The following NT5C1A variants were observed in gnomAD, a reference collection of about 807,000 sequenced individuals.
NT5C1A encodes the protein 5'-nucleotidase, cytosolic IA.
Under a neutral mutation model 31.0 loss-of-function variants are expected in NT5C1A, and 18 were observed. The ratio of observed to expected loss-of-function variants is 0.58; its 90% confidence interval spans 0.40 to 0.86. NT5C1A has a LOEUF of 0.86. Ranked by LOEUF, NT5C1A falls within the 40% of genes least tolerant of loss-of-function variation. NT5C1A has a pLI of 0.00. For synonymous variants in NT5C1A, 185 were observed against 203.6 expected, an observed-to-expected ratio of 0.91 and a Z score of 0.78; for missense variants, 470 against 505.4, an observed-to-expected ratio of 0.93 and a Z score of 0.67.
intron 5 of NT5C1A, 76 bp downstream of exon 5, chr1:39,661,003 G>A (rs1221800924): frequency 3.7e-6 from 3 of 818,602 alleles, no homozygotes; most frequent in Non-Finnish European, 4.0e-6. Flanking sequence ...TTGCTTCCAG[G>A]CTGGGAGTGC....
chr1:39,663,433 G>A lies in NT5C1A; in HGVS notation c.435C>T (p.Asp145=), dbSNP rs1557745638. The change falls in exon 4 of 6, where the codon GAC becomes GAT. Residue 145 remains aspartate, a splice_region_variant and synonymous_variant. Coordinates refer to ENST00000235628, the MANE Select transcript of NT5C1A (RefSeq NM_032526.3). ...VRLINSINHY[D]LFIERFCMTG... ...TCATGCAGAACCTCTCGATGAACAG[G>A]TCTGGGAAGGAGGTAAAGGACCCAG... 1 of 1,613,924 alleles carries A rather than the reference G, an allele frequency of 6.2e-7. No homozygotes were observed. Among genetic ancestry groups the A allele is most frequent in the Admixed American group, 1.7e-5 (1 of 60,006 alleles).
At position 39,665,667 on chromosome 1, in the gene NT5C1A, A is replaced by G. The variant is rs1557746630; in HGVS notation, c.304-17T>C. 2 of 1,611,358 alleles carry G rather than the reference A, an allele frequency of 1.2e-6. No homozygotes were observed. The highest frequency in any genetic ancestry group is 1.7e-5 in the Admixed American group (1 of 59,798). ...CTCCAGAGCCTGGAAAGGAGAGGGC[A>G]CCCCCCAGCTTAGACCCCCAAGGAT... On this transcript the variant is annotated splice_polypyrimidine_tract_variant and intron_variant, in intron 2 of 5. Coordinates refer to ENST00000235628, the MANE Select transcript of NT5C1A (RefSeq NM_032526.3).
At position 39,665,579 on chromosome 1, in the gene NT5C1A, G is replaced by A; in HGVS notation, c.375C>T (p.Leu125=). Residue 125 remains leucine, a synonymous_variant, in exon 3 of 6, where the codon CTC becomes CTT. Transcript: ENST00000235628. ...CCACTTGAGCATGGTTGTTAGTCAT[G>A]AGGACGATGTCGAAGACGTCCTCAC... ...PDSEDVFDIV[L]MTNNHAQVGV... 6.2e-7 allele frequency: 1 copy of A among 1,613,570 alleles called. No homozygotes were observed.
chr1:39,653,914 C>T lies in NT5C1A; in HGVS notation c.*5207G>A. On this transcript the variant is annotated 3_prime_UTR_variant, in exon 6 of 6. Transcript: ENST00000235628. ...CTTGCATGCCTCTTGGATAGCAAAA[C>T]CCAACACCAATAGGGATGGCAAAAT... Among the ~76,000 whole-genome samples the T allele has an allele frequency of 6.6e-6, 1 of 152,140 alleles. No individual in the cohort carries two copies.
chr1:39,667,604 G>T (rs1646530238), intron 1 of NT5C1A, among the ~76,000 whole-genome samples: 1 of 152,140 alleles, frequency 6.6e-6, no homozygotes, highest in South Asian at 2.1e-4. Flanking sequence ...TCTTCCTGGG[G>T]TCAGTCCTGG....
In NT5C1A at chr1:39,658,216, C is replaced by T. The variant is rs566786903; in HGVS notation, c.*905G>A. Among the ~76,000 whole-genome samples, 1 of 152,302 alleles carries T rather than the reference C, an allele frequency of 6.6e-6. No individual in the cohort carries two copies. Among genetic ancestry groups the T allele is most frequent in the Admixed American group, 6.5e-5 (1 of 15,300 alleles). On this transcript the variant is annotated 3_prime_UTR_variant, in exon 6 of 6. Transcript: ENST00000235628. ...TCTCCCGGGAAGAGCCTGCAGTGCC[C>T]CCTGCTGGCTGGAGGAGAGTTTGTA...
Position 39,653,523 on chromosome 1 carries a change from G to C in NT5C1A, c.*5598C>G, listed in dbSNP as rs1225438258. On this transcript the variant is annotated 3_prime_UTR_variant, in exon 6 of 6. Coordinates refer to ENST00000235628, the MANE Select transcript of NT5C1A (RefSeq NM_032526.3). ...ACACAATCACAGTAATTGCCGGCAA[G>C]AGCAATCGGCTCGTCACTCGGGCAT... Among the ~76,000 whole-genome samples, 1 of 152,188 alleles carries C rather than the reference G, an allele frequency of 6.6e-6. No homozygotes were observed. Among genetic ancestry groups the C allele is most frequent in the African/African-American group, 2.4e-5 (1 of 41,440 alleles).
In NT5C1A at chr1:39,658,998, T is replaced by C. The variant is rs1296201484; in HGVS notation, c.*123A>G. 5.3e-6 allele frequency: 7 copies of C among 1,327,770 alleles called. No individual in the cohort carries two copies. The highest frequency in any genetic ancestry group is 2.9e-5 in the African/African-American group (2 of 68,236). The allele number at this position is 1,327,770 out of a possible 1,614,324, so 82.2% of individuals were successfully genotyped here. On this transcript the variant is annotated 3_prime_UTR_variant, in exon 6 of 6. Transcript: ENST00000235628. ...TAATTTCCTACAAGTACATCACTCA[T>C]AGGGATGAGGGCAGACAGGCAGAAG... is the stretch of plus-strand genomic sequence containing the variant.
intron 1 of NT5C1A, 86 bp from the exon 2 acceptor site, chr1:39,666,322 G>A (rs1646522264): frequency 1.5e-6 from 2 of 1,363,194 alleles, no homozygotes; most frequent in Admixed American, 3.7e-5. Flanking sequence ...GGGTAGTGAG[G>A]ACATGGAGAA....
chr1:39,651,963 G>A lies in NT5C1A; in HGVS notation c.*7158C>T, dbSNP rs758011364. On this transcript the variant is annotated 3_prime_UTR_variant, in exon 6 of 6. Coordinates refer to ENST00000235628, the MANE Select transcript of NT5C1A (RefSeq NM_032526.3). Reference sequence around the variant, plus strand: ...GGAGAATTGCTTGACCCCAGGAGGCGGAGGTTGCAGTGAGCCAAGATTGTG... The same window carrying A: ...GGAGAATTGCTTGACCCCAGGAGGCAGAGGTTGCAGTGAGCCAAGATTGTG... Among the ~76,000 whole-genome samples, 20 of 144,140 alleles carry A rather than the reference G, an allele frequency of 1.4e-4. No individual in the cohort carries two copies. The highest frequency in any genetic ancestry group is 4.6e-4 in the African/African-American group (18 of 38,854). The allele number at this position is 144,140 out of a possible 152,430, so 94.6% of individuals were successfully genotyped here.
intron 1 of NT5C1A, 56 bp downstream of exon 1, chr1:39,671,848 C>A: frequency 6.2e-7 from 1 of 1,605,044 alleles, no homozygotes; most frequent in East Asian, 2.3e-5. Context: ...GACTTATGAC[C>A]CCTCCTCCGG....
chr1:39,666,361 G>A, intron 1 of NT5C1A, 125 bp from the exon 2 acceptor site: 2 of 900,162 alleles, frequency 2.2e-6, no homozygotes, highest in East Asian at 2.6e-5. Flanking sequence ...ACCTAAAGAG[G>A]CCCAGCCTTG....
intron 3 of NT5C1A, 52 bp downstream of exon 3, chr1:39,665,469 G>C (rs1028953132): frequency 6.5e-7 from 1 of 1,548,190 alleles, no homozygotes. Flanking sequence ...TCCCTGGGGG[G>C]TCTGGTAGGG....
At position 39,651,623 on chromosome 1, in the gene NT5C1A, C is replaced by G. The variant is rs1646432921; in HGVS notation, c.*7498G>C. The stretch of plus-strand genomic sequence containing the variant: ...GCAAAGGGCTTCTGACAGGTAGATA[C>G]AAGCACATTATGCACACAGGTTTCA... On this transcript the variant is annotated 3_prime_UTR_variant, in exon 6 of 6. Coordinates refer to ENST00000235628, the MANE Select transcript of NT5C1A (RefSeq NM_032526.3). 6.6e-6 allele frequency among the ~76,000 whole-genome samples: 1 copy of G among 152,238 alleles called. No individual in the cohort carries two copies. Among genetic ancestry groups the G allele is most frequent in the Non-Finnish European group, 1.5e-5 (1 of 68,054 alleles).
rs1310131218 is a variant in NT5C1A at position 39,659,187 on chromosome 1, C to T, written c.1041G>A (p.Val347=). ...AQEMGTVAAH[V]PYGVAQTPRR... is the part of the protein sequence containing the mutation. Reference sequence around the variant, plus strand: ...GGGGTGTCTGTGCCACACCATAAGGCACATGGGCGGCCACAGTGCCCATCT... The same window carrying T: ...GGGGTGTCTGTGCCACACCATAAGGTACATGGGCGGCCACAGTGCCCATCT... Residue 347 remains valine (V), a synonymous_variant, in exon 6 of 6, where the codon GTG becomes GTA. Transcript: ENST00000235628. 2.5e-6 allele frequency: 4 copies of T among 1,614,006 alleles called. No individual in the cohort carries two copies. In the Admixed American group the frequency reaches 6.7e-5, roughly 27 times the overall value.
At position 39,665,560 on chromosome 1, in the gene NT5C1A, G is replaced by A. The variant is rs777183886; in HGVS notation, c.394C>T (p.Gln132Ter). The A allele has an allele frequency of 6.2e-7, 1 of 1,613,562 alleles. No homozygotes were observed. The highest frequency in any genetic ancestry group is 1.1e-5 in the South Asian group (1 of 91,070). ...DIVLMTNNHA[Q>*]VGVRLINSIN... ...CTGTTGATGAGGCGGACACCCACTT[G>A]AGCATGGTTGTTAGTCATGAGGACG... The change falls in exon 3 of 6, where the codon CAA becomes TAA. Residue 132 changes from glutamine to a stop codon, truncating the protein, a stop_gained. Transcript: ENST00000235628. LOFTEE classifies it high-confidence loss of function.
In NT5C1A at chr1:39,669,694, G is replaced by T. The variant is rs190986025; in HGVS notation, c.135+2210C>A. The stretch of plus-strand genomic sequence containing the variant: ...GCTCTCCGGTTCCTTGGTGCCTGGG[G>T]AGGAAATGGATTTTGAGCACTGATG... On this transcript the variant is annotated intron_variant, in intron 1 of 5. Coordinates refer to ENST00000235628, the MANE Select transcript of NT5C1A (RefSeq NM_032526.3). 4.6e-5 allele frequency among the ~76,000 whole-genome samples: 7 copies of T among 152,338 alleles called. No homozygotes were observed. The East Asian group carries it at 1.3e-3, about 29-fold the overall frequency.
At chr1:39,665,496 C>T in intron 3 of NT5C1A, 25 bp downstream of exon 3, 3 of 1,597,166 alleles carry the variant, frequency 1.9e-6, no homozygotes, top group Non-Finnish European at 2.6e-6. Flanking sequence ...CAGGGCAAAC[C>T]CCCCATCCTC....
Position 39,659,139 on chromosome 1 carries a change from C to A in NT5C1A, c.1089G>T (p.Gln363His). 1.2e-6 allele frequency: 2 copies of A among 1,605,410 alleles called. No individual in the cohort carries two copies. Among genetic ancestry groups the A allele is most frequent in the East Asian group, 2.2e-5 (1 of 44,696 alleles). The change falls in exon 6 of 6, where the codon CAG (glutamine) becomes CAT (histidine). Residue 363 changes from glutamine to histidine, a missense_variant. By Grantham distance (24) the Gln-to-His change is conservative (BLOSUM62 0). Transcript: ENST00000235628. ...QTPRRTAPAK[Q>H]APSAQ ...GGTTCAGCTACTGTGCAGATGGGGC[C>A]TGCTTTGCAGGTGCAGTCCGCCGGG...
Sources: allele counts gnomAD v4.1 joint callset (sites outside exome capture counted in the v4.1 genomes callset), GRCh38; gene constraint gnomAD v4.1.1; transcripts MANE v1.5; gene names NCBI Gene and HGNC (gene_info 2026-07-23, HGNC 2026-07-21).